FLYWCH1: variants seen among roughly 807,000 people sequenced by gnomAD.
FLYWCH1 encodes the protein FLYWCH-type zinc finger-containing protein 1.
In FLYWCH1, 75 loss-of-function variants were observed where a neutral mutation model predicts 66.4. The observed-to-expected ratio is 1.13, with a 90% CI of 0.94 to 1.37. The LOEUF is 1.37. Ranked by LOEUF, FLYWCH1 falls within the 40% of genes most tolerant of loss-of-function variation. FLYWCH1 has a pLI of 0.00. For missense variants in FLYWCH1, 1,334 were observed against 1,001.8 expected, an observed-to-expected ratio of 1.33 and a Z score of -4.48; for synonymous variants, 595 against 429.9, an observed-to-expected ratio of 1.38 and a Z score of -4.75.
chr16:2,934,499 G>A (rs2070914909), intron 6 of FLYWCH1: 1 of 380,424 alleles, frequency 2.6e-6, no homozygotes, highest in South Asian at 2.0e-5. Context: ...GCCCCCCGCA[G>A]TGCCTGGTGT....
intron 2 of FLYWCH1, among the ~76,000 whole-genome samples, chr16:2,917,154 TC>T (rs1232094956): frequency 7.6e-6 from 1 of 131,918 alleles, no homozygotes; most frequent in Non-Finnish European, 1.7e-5. Flanking sequence ...AAACTCTGTC[TC>T]AAAAATAAAA....
chr16:2,917,851 C>T (rs935738240), intron 2 of FLYWCH1, among the ~76,000 whole-genome samples: 1 of 148,212 alleles, frequency 6.7e-6, no homozygotes, highest in East Asian at 2.0e-4. Context: ...TTTTCTTCCC[C>T]CTCGAGATGG....
intron 2 of FLYWCH1, among the ~76,000 whole-genome samples, chr16:2,915,690 G>C (rs534520494): frequency 4.6e-5 from 7 of 151,584 alleles, no homozygotes; most frequent in Admixed American, 1.3e-4. Flanking sequence ...GGCGGATCAC[G>C]GGAGGCAGAG....
In FLYWCH1 at chr16:2,933,320, C is replaced by A. The variant is rs373958193; in HGVS notation, c.987C>A (p.His329Gln). ...AGCGGGTGACTGTGATGCGTGGGCA[C>A]TGCCACCAGCCCGATATGGAGGGCC... ...QGQRVTVMRG[H>Q]CHQPDMEGLE... Residue 329 changes from histidine to glutamine, a missense_variant, in exon 5 of 10, where the codon CAC (histidine) becomes CAA (glutamine). His to Gln is a conservative substitution (Grantham distance 24). Coordinates refer to ENST00000253928, the MANE Select transcript of FLYWCH1 (RefSeq NM_001308068.2). 3 of 1,610,148 alleles carry A rather than the reference C, an allele frequency of 1.9e-6. No individual in the cohort carries two copies. The highest frequency in any genetic ancestry group is 2.5e-6 in the Non-Finnish European group (3 of 1,178,760).
chr16:2,944,913 C>A (rs1013698945), intron 9 of FLYWCH1, among the ~76,000 whole-genome samples: 1 of 152,140 alleles, frequency 6.6e-6, no homozygotes, highest in African/African-American at 2.4e-5. Flanking sequence ...GCACTGTCGT[C>A]ATAGGAGATG....
chr16:2,933,622 A>T, intron 5 of FLYWCH1, 40 bp downstream of exon 5: 6 of 1,563,192 alleles, frequency 3.8e-6, no homozygotes, highest in Non-Finnish European at 5.2e-6. Context: ...CCCTGCCTTG[A>T]CTCTTGCCTC....
At chr16:2,929,319 G>A (rs373960490) in intron 2 of FLYWCH1, among the ~76,000 whole-genome samples, 1 of 152,288 alleles carries the variant, frequency 6.6e-6, no homozygotes, top group Non-Finnish European at 1.5e-5. Context: ...CCCTTCGTCC[G>A]TGCTCAGCAT....
At chr16:2,927,464 A>G (rs2070611670) in intron 2 of FLYWCH1, among the ~76,000 whole-genome samples, 1 of 152,230 alleles carries the variant, frequency 6.6e-6, no homozygotes, top group East Asian at 1.9e-4. Flanking sequence ...CTATGAGAAC[A>G]TTATTAGATT....
At chr16:2,912,660 G>A (rs1172119045) in intron 1 of FLYWCH1, among the ~76,000 whole-genome samples, 1 of 152,188 alleles carries the variant, frequency 6.6e-6, no homozygotes, top group East Asian at 1.9e-4. Flanking sequence ...AGTTTAAAGG[G>A]AGACGCTTGT....
At position 2,933,467 on chromosome 16, in the gene FLYWCH1, G is replaced by C. The variant is rs370466962; in HGVS notation, c.1134G>C (p.Pro378=). Residue 378 remains proline (P), a synonymous_variant, in exon 5 of 10, where the codon CCG becomes CCC. Transcript: ENST00000253928. ...GVDSLLYRRG[P]GPLTLTRPRP... ...ATAGTTTGCTCTACCGCAGGGGTCC[G>C]GGTCCCCTGACTCTCACCAGGCCTC... 2 of 1,603,200 alleles carry C rather than the reference G, an allele frequency of 1.2e-6. No individual in the cohort carries two copies. The highest frequency in any genetic ancestry group is 1.7e-6 in the Non-Finnish European group (2 of 1,175,696).
chr16:2,932,148 G>A (rs1416811472), intron 4 of FLYWCH1, among the ~76,000 whole-genome samples: 1 of 150,922 alleles, frequency 6.6e-6, no homozygotes, highest in Non-Finnish European at 1.5e-5. Context: ...AGCTGGGCGT[G>A]GAGGCGCCTG....
chr16:2,948,357 G>A (rs1397634834), intron 9 of FLYWCH1, among the ~76,000 whole-genome samples: 4 of 152,008 alleles, frequency 2.6e-5, no homozygotes, highest in Non-Finnish European at 2.9e-5. Flanking sequence ...TCAGGAGATC[G>A]AGACCATCCT....
In FLYWCH1 at chr16:2,937,200, G is replaced by A. The variant is rs372016332; in HGVS notation, c.1593G>A (p.Ala531=). ...YESFLYRREK[A]AGEKVYWTCR... ...CCTTCCTCTACCGGCGGGAGAAGGCGGCCGGGGAGAAGGTGTATTGGACCT... is the reference window on the plus strand; with the variant it reads ...CCTTCCTCTACCGGCGGGAGAAGGCAGCCGGGGAGAAGGTGTATTGGACCT... The change falls in exon 7 of 10, where the codon GCG becomes GCA. Residue 531 remains alanine, a synonymous_variant. Transcript: ENST00000253928. 81 of 1,507,642 alleles carry A rather than the reference G, an allele frequency of 5.4e-5. No homozygotes were observed. The African/African-American group carries it at 7.6e-4, about 14-fold the overall frequency. The allele number at this position is 1,507,642 out of a possible 1,614,324, so 93.4% of individuals were successfully genotyped here.
rs921962859 is a variant in FLYWCH1 at position 2,948,784 on chromosome 16, C to G, written c.*57C>G. The G allele has an allele frequency of 6.0e-6, 9 of 1,494,646 alleles. No individual in the cohort carries two copies. In the African/African-American group the frequency reaches 1.1e-4, roughly 18 times the overall value. The allele number at this position is 1,494,646 out of a possible 1,614,324, so 92.6% of individuals were successfully genotyped here. A position where few individuals can be genotyped will look rare whatever the true frequency, so the allele number is the denominator to read the frequency against. ...CACCCAAGGTGGCTTCACATCCACA[C>G]AGGCACTTCCCATCCACCTAGGTTT... On this transcript the variant is annotated 3_prime_UTR_variant, in exon 10 of 10. Coordinates refer to ENST00000253928, the MANE Select transcript of FLYWCH1 (RefSeq NM_001308068.2).
At chr16:2,913,139 T>G (rs2070048467) in intron 1 of FLYWCH1, 1 of 152,154 alleles carries the variant, frequency 6.6e-6, no homozygotes, top group Non-Finnish European at 1.5e-5. Flanking sequence ...ATGCTGAAAG[T>G]TAAGCTTTAG....
Position 2,937,312 on chromosome 16 carries a change from C to G in FLYWCH1, c.1705C>G (p.Pro569Ala). The G allele has an allele frequency of 1.2e-6, 2 of 1,603,704 alleles. No individual in the cohort carries two copies. ...VMVMRRHCHP[P>A]DLGGLEALRQ... ...GGTCATGCGCAGGCACTGCCACCCA[C>G]CGGACCTGGGCGGCCTGGAGGCCCT... The change falls in exon 7 of 10, where the codon CCG becomes GCG. Residue 569 changes from proline to alanine, a missense_variant. By Grantham distance (27) the Pro-to-Ala change is conservative (BLOSUM62 -1). Coordinates refer to ENST00000253928, the MANE Select transcript of FLYWCH1 (RefSeq NM_001308068.2).
At chr16:2,917,418 G>A (rs931339375) in intron 2 of FLYWCH1, among the ~76,000 whole-genome samples, 6 of 151,406 alleles carry the variant, frequency 4.0e-5, no homozygotes, top group Admixed American at 3.3e-4. Context: ...TAGTAGAGAC[G>A]GGGTTTTGCC....
chr16:2,930,979 TAAA>T, intron 4 of FLYWCH1, 99 bp downstream of exon 4: 2 of 895,450 alleles, frequency 2.2e-6, no homozygotes, highest in Non-Finnish European at 3.3e-6. Context: ...CAGGGTCTTT[TAAA>T]ATGTACTCAA....
chr16:2,919,627 T>G (rs1361424945), intron 2 of FLYWCH1, among the ~76,000 whole-genome samples: 1 of 152,108 alleles, frequency 6.6e-6, no homozygotes, highest in African/African-American at 2.4e-5. Flanking sequence ...ACTCCTGGGC[T>G]CAAGCCATTT....
Sources: allele counts gnomAD v4.1 joint callset (sites outside exome capture counted in the v4.1 genomes callset), GRCh38; gene constraint gnomAD v4.1.1; transcripts MANE v1.5; gene names NCBI Gene and HGNC (gene_info 2026-07-23, HGNC 2026-07-21).